The following COL25A1 variants were observed in gnomAD, a reference collection of about 807,000 sequenced individuals.
The protein encoded by COL25A1 is collagen type XXV alpha 1 chain.
In COL25A1, 103 loss-of-function variants were observed where a neutral mutation model predicts 128.4. That is an observed-to-expected ratio of 0.80 (90% CI 0.68 to 0.94). COL25A1 has a LOEUF of 0.94. COL25A1 is among the 40% of genes least tolerant of loss of function. COL25A1 has a pLI of 0.00. For synonymous variants in COL25A1, 279 were observed against 277.2 expected (o/e 1.01, Z -0.06); for missense variants, 745 against 840.0 (o/e 0.89, Z 1.40).
intron 19 of COL25A1, among the ~76,000 whole-genome samples, chr4:108,878,869 C>T: frequency 6.6e-6 from 1 of 152,160 alleles, no homozygotes; most frequent in East Asian, 1.9e-4. Flanking sequence ...TATTCAACTT[C>T]TCAGATGAAC....
chr4:109,145,972 T>A (rs1341208833), intron 3 of COL25A1, among the ~76,000 whole-genome samples: 1 of 152,238 alleles, frequency 6.6e-6, no homozygotes, highest in Non-Finnish European at 1.5e-5. Flanking sequence ...ATGTGTAAGG[T>A]AATTGTGCAA....
intron 8 of COL25A1, among the ~76,000 whole-genome samples, chr4:108,964,046 T>C (rs1037058588): frequency 3.3e-5 from 5 of 150,530 alleles, no homozygotes; most frequent in African/African-American, 1.2e-4. Flanking sequence ...GTAAATAATA[T>C]CATAATTAAA....
rs113331318 is a variant in COL25A1, at chr4:108,886,875, T to A, written c.975+2346A>T. On this transcript the variant is annotated intron_variant, in intron 18 of 37. Transcript: ENST00000399132. The stretch of plus-strand genomic sequence containing the variant: ...AAATCAGGACTCTGCCTTCACCTCA[T>A]GTCCCTGCTAGAGTGCCCTAAATAT... Among the ~76,000 whole-genome samples, 279 of 152,272 alleles carry A rather than the reference T, an allele frequency of 1.8e-3. 3 individuals are homozygous for A. Among genetic ancestry groups the A allele is most frequent in the African/African-American group, 6.0e-3 (250 of 41,554 alleles).
At chr4:108,852,818 A>G in intron 25 of COL25A1, 84 bp downstream of exon 25, 1 of 1,011,250 alleles carries the variant, frequency 9.9e-7, no homozygotes, top group Non-Finnish European at 1.5e-6. Context: ...TAAAAACAAT[A>G]GCTACATTAG....
chr4:108,845,112 G>A, intron 29 of COL25A1, 77 bp downstream of exon 29: 1 of 1,212,818 alleles, frequency 8.2e-7, no homozygotes. Flanking sequence ...CCATCTGGCA[G>A]AGGTGGAATA....
intron 11 of COL25A1, among the ~76,000 whole-genome samples, chr4:108,925,170 C>T (rs1745901038): frequency 6.6e-6 from 1 of 152,072 alleles, no homozygotes; most frequent in Non-Finnish European, 1.5e-5. Context: ...AACAAAATGA[C>T]CACTCAGTGA....
intron 3 of COL25A1, among the ~76,000 whole-genome samples, chr4:109,234,923 C>T (rs1016795960): frequency 2.0e-5 from 3 of 151,880 alleles, no homozygotes; most frequent in African/African-American, 7.3e-5. Flanking sequence ...TGTGAATAGC[C>T]AATACATAAC....
At chr4:108,844,280 G>T (rs1734814972) in intron 30 of COL25A1, among the ~76,000 whole-genome samples, 1 of 152,226 alleles carries the variant, frequency 6.6e-6, no homozygotes, top group Admixed American at 6.5e-5. Context: ...CTTGCTATAT[G>T]TGTCTGTCTT....
chr4:108,823,730 A>T (rs1479834484), intron 35 of COL25A1: 3 of 256,976 alleles, frequency 1.2e-5, no homozygotes, highest in Non-Finnish European at 2.1e-5. Flanking sequence ...CCATTTTCAT[A>T]TAAAAAATAT....
At chr4:108,828,163 C>T (rs1262452642) in intron 32 of COL25A1, among the ~76,000 whole-genome samples, 1 of 152,130 alleles carries the variant, frequency 6.6e-6, no homozygotes, top group Admixed American at 6.5e-5. Context: ...TATTTTGAGA[C>T]AGAGTCTTGC....
intron 19 of COL25A1, among the ~76,000 whole-genome samples, chr4:108,877,020 A>G (rs1259458565): frequency 6.6e-6 from 1 of 152,226 alleles, no homozygotes; most frequent in Non-Finnish European, 1.5e-5. Flanking sequence ...CCTGGGGTTC[A>G]GTTAGGAAAG....
intron 15 of COL25A1, among the ~76,000 whole-genome samples, chr4:108,898,780 A>C (rs1742447633): frequency 6.6e-6 from 1 of 152,138 alleles, no homozygotes. Context: ...ACCCGTTTAA[A>C]AGCTTAAAAG....
Position 109,021,138 on chromosome 4 carries a change from G to A in COL25A1, c.421-10763C>T, listed in dbSNP as rs78829603. On this transcript the variant is annotated intron_variant, in intron 5 of 37. Coordinates refer to ENST00000399132, the MANE Select transcript of COL25A1 (RefSeq NM_198721.4). ...GTGTTGTTGGCATTTTTTGGATATG[G>A]TGTTTTGTATTTTTATGTCATATCA... Among the ~76,000 whole-genome samples the A allele has an allele frequency of 8.5e-3, 1,293 of 152,288 alleles. 8 individuals carry two copies. Among genetic ancestry groups the A allele is most frequent in the Non-Finnish European group, 0.013 (904 of 68,024 alleles).
chr4:108,835,861 C>CTTTTTTTTTTTTTTTTTTTTTTTT (rs1158184110), intron 31 of COL25A1, among the ~76,000 whole-genome samples: 34 of 45,720 alleles, frequency 7.4e-4, no homozygotes, highest in South Asian at 2.6e-3. Context: ...TTACATACGT[C>CTTTTTTTTTTTTTTTTTTTTTTTT]TTTTTTTTTT....
chr4:109,292,430 C>T (rs1286916632), intron 3 of COL25A1, among the ~76,000 whole-genome samples: 7 of 151,898 alleles, frequency 4.6e-5, no homozygotes, highest in Admixed American at 4.6e-4. Context: ...AGAGATGCAC[C>T]ATATTAAAAG....
At chr4:109,116,574 C>T (rs182220174) in intron 3 of COL25A1, among the ~76,000 whole-genome samples, 46 of 152,100 alleles carry the variant, frequency 3.0e-4, no homozygotes, top group African/African-American at 1.0e-3. Flanking sequence ...ACCACAGTTC[C>T]TTTTACCCAG....
At chr4:108,912,222 CT>C (rs1197938789) in intron 13 of COL25A1, among the ~76,000 whole-genome samples, 7 of 151,978 alleles carry the variant, frequency 4.6e-5, no homozygotes, top group African/African-American at 9.7e-5. Flanking sequence ...AGTTATTTGA[CT>C]TTATGAAATA....
intron 32 of COL25A1, among the ~76,000 whole-genome samples, chr4:108,830,496 G>A (rs1430377835): frequency 6.6e-6 from 1 of 152,132 alleles, no homozygotes; most frequent in African/African-American, 2.4e-5. Context: ...TCCAGATGGC[G>A]CCTCTATCAA....
intron 3 of COL25A1, among the ~76,000 whole-genome samples, chr4:109,252,646 T>C (rs1780742843): frequency 6.6e-6 from 1 of 152,190 alleles, no homozygotes; most frequent in Non-Finnish European, 1.5e-5. Context: ...TTCCAATCAG[T>C]TCCTTCCAAG....
Sources: allele counts gnomAD v4.1 joint callset (sites outside exome capture counted in the v4.1 genomes callset), GRCh38; gene constraint gnomAD v4.1.1; transcripts MANE v1.5; gene names NCBI Gene and HGNC (gene_info 2026-07-23, HGNC 2026-07-21).